Variants in GOLGA3 observed in about 807,000 individuals in gnomAD.
GOLGA3 encodes golgin subfamily A member 3.
In GOLGA3, 75 loss-of-function variants were observed where a neutral mutation model predicts 169.4. The observed-to-expected ratio is 0.44, with a 90% CI of 0.37 to 0.54. GOLGA3 has a LOEUF of 0.54. Among genes scored for constraint, GOLGA3 ranks in the 20% least tolerant of loss-of-function variants. The probability of loss-of-function intolerance (pLI) is 0.00; values close to 1 mark genes in which losing one functional copy is unlikely to be tolerated. For synonymous variants in GOLGA3, 824 were observed against 822.4 expected, an observed-to-expected ratio of 1.00 and a Z score of -0.03; for missense variants, 1,899 against 1,930.0, an observed-to-expected ratio of 0.98 and a Z score of 0.30.
intron 22 of GOLGA3, chr12:132,774,740 G>A (rs2045126782): frequency 1.4e-5 from 6 of 420,034 alleles, no homozygotes; most frequent in Non-Finnish European, 2.5e-5. Flanking sequence ...ACGCTAAACG[G>A]CCTCTCAATC....
At chr12:132,820,130 C>G (rs1025878911) in intron 2 of GOLGA3, among the ~76,000 whole-genome samples, 1 of 151,746 alleles carries the variant, frequency 6.6e-6, no homozygotes, top group Non-Finnish European at 1.5e-5. Context: ...GAGCCGAGAT[C>G]GCACCATTGC....
intron 2 of GOLGA3, among the ~76,000 whole-genome samples, chr12:132,818,515 C>G (rs911604071): frequency 6.6e-6 from 1 of 152,200 alleles, no homozygotes; most frequent in African/African-American, 2.4e-5. Flanking sequence ...CGGCCTCCCA[C>G]AGTGCTGGGA....
intron 4 of GOLGA3, among the ~76,000 whole-genome samples, chr12:132,808,980 G>A (rs763179314): frequency 6.6e-6 from 1 of 152,268 alleles, no homozygotes; most frequent in East Asian, 1.9e-4. Context: ...CCACCAATGC[G>A]CGGAGACCGG....
Position 132,813,874 on chromosome 12 carries a change from G to A in GOLGA3, c.407-455C>T, listed in dbSNP as rs549928557. 1.8e-3 allele frequency among the ~76,000 whole-genome samples: 280 copies of A among 151,696 alleles called. 1 individual carries two copies. The highest frequency in any genetic ancestry group is 6.5e-3 in the African/African-American group (270 of 41,338). ...CAAGTAGCTGGGAATACAGGCGCCC[G>A]CCACCACGCCTGGCTAATTTTTTGT... is the stretch of plus-strand genomic sequence containing the variant. On this transcript the variant is annotated intron_variant, in intron 3 of 23. Transcript: ENST00000450791.
chr12:132,791,182 G>C, intron 12 of GOLGA3, 34 bp downstream of exon 12: 1 of 1,205,752 alleles, frequency 8.3e-7, no homozygotes, highest in East Asian at 2.5e-5. Context: ...TCATATGCTT[G>C]TTTCAAGTGA....
chr12:132,779,821 A>G (rs1315054160), intron 18 of GOLGA3, among the ~76,000 whole-genome samples: 1 of 110,322 alleles, frequency 9.1e-6, no homozygotes, highest in Non-Finnish European at 1.8e-5. Context: ...GTGTGCACAC[A>G]CACCACAGCC....
rs570818796 is a variant in GOLGA3 at position 132,804,632 on chromosome 12, G to A, written c.1597+84C>T. The A allele has an allele frequency of 1.2e-4, 133 of 1,125,364 alleles. No homozygotes were observed. The highest frequency in any genetic ancestry group is 1.6e-4 in the Non-Finnish European group (122 of 764,388). The allele number at this position is 1,125,364 out of a possible 1,614,324, so 69.7% of individuals were successfully genotyped here. ...AAGGACCAGTCAGGGAAGGAGGAGG[G>A]CGTGGCGGGGGCCAGTCGAGGAAGG... On this transcript the variant is annotated intron_variant, in intron 7 of 23. Coordinates refer to ENST00000450791, the MANE Select transcript of GOLGA3 (RefSeq NM_001389683.1). The surrounding 1 kb of genome is among the most constrained non-coding windows in gnomAD (Gnocchi z 4.1).
At chr12:132,806,556 C>A (rs371303087) in intron 6 of GOLGA3, among the ~76,000 whole-genome samples, 1 of 152,238 alleles carries the variant, frequency 6.6e-6, no homozygotes, top group East Asian at 1.9e-4. Context: ...CCCTGCTCTG[C>A]GGCCTCGCAG....
chr12:132,797,712 C>CA (rs1010478062), intron 9 of GOLGA3, among the ~76,000 whole-genome samples: 115 of 141,374 alleles, frequency 8.1e-4, no homozygotes, highest in Admixed American at 1.8e-3. Flanking sequence ...AATTCCACCT[C>CA]AAAAAAAAAA....
intron 7 of GOLGA3, among the ~76,000 whole-genome samples, chr12:132,803,586 G>A (rs1949237033): frequency 6.6e-6 from 1 of 152,176 alleles, no homozygotes; most frequent in Admixed American, 6.5e-5. Context: ...GGGTTTCATG[G>A]TTTTTCCTAA....
intron 3 of GOLGA3, among the ~76,000 whole-genome samples, chr12:132,816,176 C>T (rs564096365): frequency 3.9e-5 from 6 of 152,082 alleles, no homozygotes; most frequent in African/African-American, 9.6e-5. Flanking sequence ...CCGGCCTGGG[C>T]GAAAGAGCGA....
chr12:132,792,918 A>G (rs1221126580), intron 11 of GOLGA3, among the ~76,000 whole-genome samples: 3 of 125,868 alleles, frequency 2.4e-5, no homozygotes, highest in Non-Finnish European at 5.0e-5. Flanking sequence ...GGCCCCACAC[A>G]GACCCACCCC....
chr12:132,807,940 GC>G lies in GOLGA3; in HGVS notation c.1128del (p.Gln377ArgfsTer90). On this transcript the variant is annotated frameshift_variant, in exon 5 of 24. Coordinates refer to ENST00000450791, the MANE Select transcript of GOLGA3 (RefSeq NM_001389683.1). LOFTEE classifies it high-confidence loss of function. ...CTCCGCACCTCCCCGTTGACCTCCT[GC>G]CCCTGGTCTTGGTGCTCAGCGGCTG... ...QAAAAEHQDQ[G>X]QEVNGEVRSR... The G allele has an allele frequency of 6.2e-7, 1 of 1,611,166 alleles. No individual in the cohort carries two copies. Among genetic ancestry groups the G allele is most frequent in the Non-Finnish European group, 8.5e-7 (1 of 1,179,074 alleles).
chr12:132,816,443 A>G, intron 3 of GOLGA3, 97 bp downstream of exon 3: 4 of 1,289,010 alleles, frequency 3.1e-6, no homozygotes, highest in Non-Finnish European at 4.4e-6. Context: ...GCACAGGCAC[A>G]CAACAGCTCA....
At chr12:132,821,000 T>C (rs1950181194) in intron 2 of GOLGA3, among the ~76,000 whole-genome samples, 1 of 143,262 alleles carries the variant, frequency 7.0e-6, no homozygotes, top group Admixed American at 7.5e-5. Context: ...CTCGGGAGGC[T>C]GAAGCAGGAG....
intron 11 of GOLGA3, among the ~76,000 whole-genome samples, chr12:132,795,240 C>T (rs962132696): frequency 5.9e-5 from 9 of 152,092 alleles, no homozygotes; most frequent in Admixed American, 3.3e-4. Context: ...GCCTGTAATC[C>T]GAGCACTGTG....
intron 17 of GOLGA3, among the ~76,000 whole-genome samples, chr12:132,781,932 A>G (rs139190961): frequency 6.7e-6 from 1 of 149,004 alleles, no homozygotes; most frequent in Admixed American, 6.6e-5. Flanking sequence ...TCTGCCCCCC[A>G]ACTAAGCAGG....
chr12:132,775,236 G>T lies in GOLGA3; in HGVS notation c.4048C>A (p.Gln1350Lys). 6.2e-7 allele frequency: 1 copy of T among 1,614,006 alleles called. No individual in the cohort carries two copies. The highest frequency in any genetic ancestry group is 1.1e-5 in the South Asian group (1 of 91,088). The change falls in exon 22 of 24, where the codon CAG becomes AAG. Residue 1350 changes from glutamine to lysine, a missense_variant. Physicochemically the swap from Gln to Lys is moderately conservative, Grantham distance 53 (BLOSUM62 1). Coordinates refer to ENST00000450791, the MANE Select transcript of GOLGA3 (RefSeq NM_001389683.1). ...TTCTTCAGCTCCGACACTTTTGCCT[G>T]GAGCATAAATTTATCCTTCTGGGTC... is the stretch of plus-strand genomic sequence containing the variant. ...SMTQKDKFML[Q>K]AKVSELKNNM...
chr12:132,781,926 C>A (rs2045627091), intron 17 of GOLGA3, among the ~76,000 whole-genome samples: 1 of 148,644 alleles, frequency 6.7e-6, no homozygotes, highest in Non-Finnish European at 1.5e-5. Flanking sequence ...AGCAGGTCTG[C>A]CCCCCAACTA....
Sources: gnomAD v4.1 joint callset for allele counts (sites outside exome capture counted in the v4.1 genomes callset) on GRCh38, gnomAD v4.1.1 for gene constraint, Gnocchi (gnomAD v3.1) non-coding constraint, MANE v1.5 for transcripts, NCBI Gene and HGNC (gene_info 2026-07-23, HGNC 2026-07-21) for gene names.